The following ZBTB20 variants were observed in gnomAD, a reference collection of about 807,000 sequenced individuals.
ZBTB20 encodes the protein zinc finger and BTB domain-containing protein 20.
ZBTB20 carries 9 observed loss-of-function variants against 56.9 expected under a neutral mutation model. The observed-to-expected ratio is 0.16, with a 90% CI of 0.10 to 0.28. ZBTB20 has a LOEUF of 0.28. Among genes scored for constraint, ZBTB20 ranks in the 10% least tolerant of loss-of-function variants. The probability of loss-of-function intolerance (pLI) is 1.00; values close to 1 mark genes in which losing one functional copy is unlikely to be tolerated. For synonymous variants in ZBTB20, 417 were observed against 420.7 expected (o/e 0.99, Z 0.11); for missense variants, 655 against 1,003.0 (o/e 0.65, Z 4.69).
At chr3:114,598,883 C>G (rs920837800) in intron 6 of ZBTB20, among the ~76,000 whole-genome samples, 2 of 151,998 alleles carry the variant, frequency 1.3e-5, no homozygotes, top group African/African-American at 4.8e-5. Context: ...TAACCACTGT[C>G]GAATTTTTGC....
chr3:114,653,258 T>C (rs1203071356), intron 6 of ZBTB20, among the ~76,000 whole-genome samples: 2 of 151,408 alleles, frequency 1.3e-5, no homozygotes, highest in African/African-American at 4.9e-5. Flanking sequence ...AAGGACGGTA[T>C]TAATTATATG....
intron 7 of ZBTB20, among the ~76,000 whole-genome samples, chr3:114,395,295 G>C (rs1014572657): frequency 6.6e-6 from 1 of 152,094 alleles, no homozygotes. Flanking sequence ...AAAAAAAAGA[G>C]TTAGAAAGTG....
chr3:114,779,226 G>T (rs539406549), intron 5 of ZBTB20, among the ~76,000 whole-genome samples: 2 of 152,300 alleles, frequency 1.3e-5, no homozygotes, highest in South Asian at 4.1e-4. Flanking sequence ...AGGACAGGAT[G>T]CATATCCTTT....
At chr3:114,912,806 T>C (rs1187432027) in intron 3 of ZBTB20, among the ~76,000 whole-genome samples, 1 of 151,948 alleles carries the variant, frequency 6.6e-6, no homozygotes, top group African/African-American at 2.4e-5. Context: ...CTACTCTCTA[T>C]CTCCGTGAGC....
chr3:114,759,884 T>C (rs750384418), intron 5 of ZBTB20, among the ~76,000 whole-genome samples: 3 of 152,074 alleles, frequency 2.0e-5, no homozygotes, highest in Non-Finnish European at 2.9e-5. Flanking sequence ...ACCAAACAGA[T>C]AGTGTGCAAA....
At chr3:115,053,199 A>C (rs1218401608) in intron 2 of ZBTB20, among the ~76,000 whole-genome samples, 1 of 152,240 alleles carries the variant, frequency 6.6e-6, no homozygotes, top group Non-Finnish European at 1.5e-5. Flanking sequence ...CATTTGATCT[A>C]TCCCTTTAAA....
intron 4 of ZBTB20, among the ~76,000 whole-genome samples, chr3:114,877,869 C>T (rs1438917453): frequency 1.3e-5 from 2 of 151,976 alleles, no homozygotes; most frequent in East Asian, 1.9e-4. Context: ...AATTTAACTG[C>T]TAGCTTGTGA....
chr3:114,588,288 C>T (rs1300894979), intron 6 of ZBTB20, among the ~76,000 whole-genome samples: 7 of 152,186 alleles, frequency 4.6e-5, no homozygotes, highest in South Asian at 2.1e-4. Flanking sequence ...GAGTCCCATT[C>T]GTATGTAACT....
intron 4 of ZBTB20, among the ~76,000 whole-genome samples, chr3:114,839,911 C>A (rs1343089141): frequency 1.3e-5 from 2 of 152,142 alleles, no homozygotes; most frequent in Non-Finnish European, 2.9e-5. Context: ...GTAGCCCTGC[C>A]AACACCTTGA....
intron 5 of ZBTB20, among the ~76,000 whole-genome samples, chr3:114,773,825 G>A (rs571511154): frequency 6.6e-6 from 1 of 152,218 alleles, no homozygotes; most frequent in East Asian, 1.9e-4. Flanking sequence ...TATACAAGTT[G>A]TCTTATAATC....
At chr3:114,755,356 C>A (rs2067928789) in intron 5 of ZBTB20, among the ~76,000 whole-genome samples, 1 of 152,104 alleles carries the variant, frequency 6.6e-6, no homozygotes, top group South Asian at 2.1e-4. Context: ...TATTAAATTT[C>A]AAGCCAGAAA....
intron 4 of ZBTB20, among the ~76,000 whole-genome samples, chr3:114,816,287 G>A (rs926798244): frequency 6.6e-6 from 1 of 152,016 alleles, no homozygotes; most frequent in African/African-American, 2.4e-5. Flanking sequence ...AAGTATGCTG[G>A]GTGCAATTTA....
intron 6 of ZBTB20, among the ~76,000 whole-genome samples, chr3:114,562,936 A>G (rs976657455): frequency 6.6e-6 from 1 of 152,214 alleles, no homozygotes; most frequent in Non-Finnish European, 1.5e-5. Context: ...ACTAATCACA[A>G]ATCACTCAAA....
chr3:114,883,409 T>C (rs2076470957), intron 4 of ZBTB20, among the ~76,000 whole-genome samples: 2 of 152,200 alleles, frequency 1.3e-5, no homozygotes, highest in South Asian at 2.1e-4. Context: ...CAGAAATGTA[T>C]TACTTACATA....
Position 114,845,360 on chromosome 3 carries a change from T to A in ZBTB20, c.-416-44186A>T, listed in dbSNP as rs543110967. ...TTTGTTATCTGATCTAGTATGAAGT[T>A]TGATCGATACAAGGACCCAAATTTA... On this transcript the variant is annotated intron_variant, in intron 4 of 11. Coordinates refer to ENST00000675478, the MANE Select transcript of ZBTB20 (RefSeq NM_001348800.3). 4.1e-5 allele frequency among the ~76,000 whole-genome samples: 6 copies of A among 147,552 alleles called. No homozygotes were observed. In the East Asian group the frequency reaches 1.2e-3, roughly 29 times the overall value.
chr3:114,975,074 A>G (rs879344460), intron 2 of ZBTB20, among the ~76,000 whole-genome samples: 6 of 152,296 alleles, frequency 3.9e-5, no homozygotes, highest in Middle Eastern at 6.8e-3. Context: ...TTTAGATGCA[A>G]GGATGCCAAA....
chr3:114,333,945 T>A lies in ZBTB20; in HGVS notation c.*5060A>T, dbSNP rs761038196. The A allele has an allele frequency of 2.0e-5, 3 of 152,184 alleles. No individual in the cohort carries two copies. The highest frequency in any genetic ancestry group is 4.4e-5 in the Non-Finnish European group (3 of 68,032). 9.4% of individuals were successfully genotyped at this position (152,184 alleles called of 1,614,324 possible). On this transcript the variant is annotated 3_prime_UTR_variant, in exon 12 of 12. Coordinates refer to ENST00000675478, the MANE Select transcript of ZBTB20 (RefSeq NM_001348800.3). ...TTCCATTACCCTGGACTTCAACTCA[T>A]TACCAAATTAAAGAATTCTTTTAGA...
chr3:114,552,549 C>T (rs1302528877), intron 6 of ZBTB20, among the ~76,000 whole-genome samples: 1 of 151,920 alleles, frequency 6.6e-6, no homozygotes, highest in Non-Finnish European at 1.5e-5. Flanking sequence ...TCCAAACCGC[C>T]CAAAATTAAT....
intron 7 of ZBTB20, among the ~76,000 whole-genome samples, chr3:114,449,712 A>G (rs1266889423): frequency 6.6e-6 from 1 of 152,014 alleles, no homozygotes; most frequent in Middle Eastern, 3.4e-3. Flanking sequence ...AGGTTGCACA[A>G]AAGATACATG....
Sources: gnomAD v4.1 joint callset for allele counts (sites outside exome capture counted in the v4.1 genomes callset) on GRCh38, gnomAD v4.1.1 for gene constraint, MANE v1.5 for transcripts, NCBI Gene and HGNC (gene_info 2026-07-23, HGNC 2026-07-21) for gene names.